The following DTL variants were observed in gnomAD, a reference collection of about 807,000 sequenced individuals.
DTL encodes denticleless protein homolog.
DTL carries 46 observed loss-of-function variants against 87.0 expected under a neutral mutation model. That is an observed-to-expected ratio of 0.53 (90% CI 0.42 to 0.68). The LOEUF (loss-of-function observed/expected upper bound fraction) is 0.68. DTL is among the 30% of genes least tolerant of loss of function. DTL has a pLI of 0.00. For synonymous variants in DTL, 308 were observed against 311.2 expected (o/e 0.99, Z 0.11); for missense variants, 737 against 869.4 (o/e 0.85, Z 1.91).
chr1:212,102,999 C>T lies in DTL; in HGVS notation c.*59C>T. 2 of 1,003,616 alleles carry T rather than the reference C, an allele frequency of 2.0e-6. No individual in the cohort carries two copies. Among genetic ancestry groups the T allele is most frequent in the South Asian group, 3.0e-5 (2 of 66,712 alleles). The allele number at this position is 1,003,616 out of a possible 1,614,324, so 62.2% of individuals were successfully genotyped here. A position where few individuals can be genotyped will look rare whatever the true frequency, so the allele number is the denominator to read the frequency against. On this transcript the variant is annotated 3_prime_UTR_variant, in exon 15 of 15. Transcript: ENST00000366991. ...CACTAAAACAAGCTGAGCTTTGGTC[C>T]ACTAAAACAAGATGAAAAATACAAG...
chr1:212,081,674 A>G (rs886358500), intron 13 of DTL, among the ~76,000 whole-genome samples: 1 of 152,222 alleles, frequency 6.6e-6, no homozygotes, highest in Admixed American at 6.5e-5. Flanking sequence ...CCAATTTTGG[A>G]TATATTTACA....
intron 5 of DTL, among the ~76,000 whole-genome samples, chr1:212,060,886 C>T (rs984441979): frequency 6.6e-6 from 1 of 151,982 alleles, no homozygotes; most frequent in Non-Finnish European, 1.5e-5. Flanking sequence ...AAAGCACAGA[C>T]AACAAGAACA....
chr1:212,093,062 ATGTCCTTAGCCCACTTTTTGATGGGAT>A (rs1474645877), intron 13 of DTL, among the ~76,000 whole-genome samples: 2 of 152,044 alleles, frequency 1.3e-5, no homozygotes, highest in African/African-American at 4.8e-5. Context: ...TTGTCTATTC[ATGTCCTTAGCCCACTTTTTGATGGGAT>A]TATTTGGTTT....
intron 13 of DTL, among the ~76,000 whole-genome samples, chr1:212,097,670 T>C (rs552277323): frequency 6.6e-6 from 1 of 152,368 alleles, no homozygotes; most frequent in South Asian, 2.1e-4. Context: ...CATCTTTCTC[T>C]GGTGCTTCCT....
chr1:212,042,848 A>G, intron 1 of DTL, 145 bp from the exon 2 acceptor site: 2 of 702,934 alleles, frequency 2.8e-6, no homozygotes, highest in Non-Finnish European at 4.2e-6. Flanking sequence ...AATAACAGAA[A>G]TGGTGTCTTC....
intron 5 of DTL, chr1:212,051,638 A>G (rs1230239418): frequency 1.3e-6 from 1 of 798,956 alleles, no homozygotes; most frequent in East Asian, 2.6e-5. Flanking sequence ...GAACCCAGGT[A>G]CCTTTCTCTT....
chr1:212,093,699 T>C (rs577950689), intron 13 of DTL, among the ~76,000 whole-genome samples: 2 of 152,338 alleles, frequency 1.3e-5, no homozygotes, highest in East Asian at 3.9e-4. Context: ...CTTGTGTCTT[T>C]CTCTGCCCAT....
At chr1:212,072,760 C>CTTTTTTTTTT (rs368207666) in intron 11 of DTL, among the ~76,000 whole-genome samples, 1 of 124,770 alleles carries the variant, frequency 8.0e-6, no homozygotes, top group African/African-American at 2.9e-5. Context: ...ATTTACTAAT[C>CTTTTTTTTTT]TTTTTTTTTT....
intron 6 of DTL, 79 bp downstream of exon 6, chr1:212,063,028 A>C: frequency 3.7e-5 from 40 of 1,088,126 alleles, no homozygotes; most frequent in Non-Finnish European, 5.2e-5. Flanking sequence ...TAGTGATTTC[A>C]TCTGATTACC....
intron 13 of DTL, among the ~76,000 whole-genome samples, chr1:212,086,394 T>C (rs1259265340): frequency 6.6e-6 from 1 of 152,220 alleles, no homozygotes; most frequent in Admixed American, 6.5e-5. Flanking sequence ...TAATTTTAAA[T>C]GACATTTCCA....
chr1:212,076,389 C>T (rs1054704149), intron 11 of DTL, among the ~76,000 whole-genome samples: 1 of 152,116 alleles, frequency 6.6e-6, no homozygotes, highest in Non-Finnish European at 1.5e-5. Flanking sequence ...TAATGGGTCT[C>T]TTTCTTTTTT....
chr1:212,101,268 T>C (rs1558093958), intron 14 of DTL, among the ~76,000 whole-genome samples, 184 bp downstream of exon 14: 1 of 152,160 alleles, frequency 6.6e-6, no homozygotes, highest in Non-Finnish European at 1.5e-5. Context: ...GTAAAAATGT[T>C]TTATGCTAAG....
chr1:212,044,255 C>G (rs991035629), intron 2 of DTL, among the ~76,000 whole-genome samples: 1 of 152,168 alleles, frequency 6.6e-6, no homozygotes, highest in East Asian at 1.9e-4. Context: ...CTCGATTTAG[C>G]CCTTCTCTAA....
intron 1 of DTL, among the ~76,000 whole-genome samples, chr1:212,038,292 T>C (rs1667545556): frequency 6.6e-6 from 1 of 152,228 alleles, no homozygotes; most frequent in Non-Finnish European, 1.5e-5. Context: ...ATTATGTTAT[T>C]GGAAGACTTC....
intron 2 of DTL, 106 bp downstream of exon 2, chr1:212,043,224 TG>T: frequency 8.4e-7 from 1 of 1,194,748 alleles, no homozygotes; most frequent in Non-Finnish European, 1.1e-6. Context: ...GTAAATTAGG[TG>T]GATGTTAGAG....
At chr1:212,058,168 G>T (rs111703630) in intron 5 of DTL, among the ~76,000 whole-genome samples, 2 of 152,176 alleles carry the variant, frequency 1.3e-5, no homozygotes, top group African/African-American at 4.8e-5. Context: ...TATCTAGAAA[G>T]AAAATTGGAT....
At position 212,050,360 on chromosome 1, in the gene DTL, C is replaced by T. The variant is rs146963109; in HGVS notation, c.460+2943C>T. Reference sequence around the variant, plus strand: ...AGTCACACTAATGGAATTTGCCTTCCCTAAGTATCTACCAACTAAAAGCAA... The same window carrying T: ...AGTCACACTAATGGAATTTGCCTTCTCTAAGTATCTACCAACTAAAAGCAA... On this transcript the variant is annotated intron_variant, in intron 5 of 14. Coordinates refer to ENST00000366991, the MANE Select transcript of DTL (RefSeq NM_016448.4). Among the ~76,000 whole-genome samples the T allele has an allele frequency of 2.1e-3, 312 of 152,122 alleles. 4 individuals are homozygous for T. The Middle Eastern group carries it at 0.058, about 28-fold the overall frequency.
intron 1 of DTL, among the ~76,000 whole-genome samples, chr1:212,039,770 A>G (rs1452123046): frequency 1.3e-5 from 2 of 152,198 alleles, no homozygotes; most frequent in African/African-American, 4.8e-5. Flanking sequence ...ACACAATGGT[A>G]AGTATTTGTG....
At chr1:212,086,580 G>A (rs1655137066) in intron 13 of DTL, among the ~76,000 whole-genome samples, 1 of 134,268 alleles carries the variant, frequency 7.4e-6, no homozygotes, top group Admixed American at 7.9e-5. Context: ...TGTAGAGATG[G>A]GGTTTCGCCA....
Sources: gnomAD v4.1 joint callset for allele counts (sites outside exome capture counted in the v4.1 genomes callset) on GRCh38, gnomAD v4.1.1 for gene constraint, MANE v1.5 for transcripts, NCBI Gene and HGNC (gene_info 2026-07-23, HGNC 2026-07-21) for gene names.